The following URB2 variants were observed in gnomAD, a reference collection of about 807,000 sequenced individuals.
The protein encoded by URB2 is URB2 ribosome biogenesis homolog, also known as unhealthy ribosome biogenesis protein 2 homolog.
A neutral mutation model predicts 120.9 loss-of-function variants in URB2; 86 were observed. The ratio of observed to expected loss-of-function variants is 0.71; its 90% confidence interval spans 0.60 to 0.85. The LOEUF (loss-of-function observed/expected upper bound fraction) is 0.85, where lower values mean the gene tolerates loss of function less well. Ranked by LOEUF, URB2 falls within the 40% of genes least tolerant of loss-of-function variation. The pLI, the probability that URB2 is intolerant of heterozygous loss-of-function variation, is 0.00. For synonymous variants in URB2, 755 were observed against 758.4 expected, an observed-to-expected ratio of 1.00 and a Z score of 0.07; for missense variants, 1,765 against 1,836.5, an observed-to-expected ratio of 0.96 and a Z score of 0.71.
At chr1:229,642,861 C>G (rs954045441) in intron 4 of URB2, among the ~76,000 whole-genome samples, 10 of 152,150 alleles carry the variant, frequency 6.6e-5, no homozygotes, top group African/African-American at 2.4e-4. Context: ...TGATACAATT[C>G]TATTAAAAAA....
At position 229,654,323 on chromosome 1, in the gene URB2, C is replaced by T. The variant is rs375051377; in HGVS notation, c.4312C>T (p.Arg1438Ter). Residue 1438 changes from arginine (R) to a stop codon, truncating the protein, a stop_gained, in exon 9 of 10, where the codon CGA (arginine) becomes TGA (stop). Transcript: ENST00000258243. LOFTEE classifies it high-confidence loss of function. Reference sequence around the variant, plus strand: ...AAGAATGTACAGCCACATCGCCGCACGAGCTGAGGAGTTTGCTGTGTTTTC... The same window carrying T: ...AAGAATGTACAGCCACATCGCCGCATGAGCTGAGGAGTTTGCTGTGTTTTC... ...VERMYSHIAA[R>*]AEEFAVFSPF... The T allele has an allele frequency of 7.6e-5, 123 of 1,614,042 alleles. No homozygotes were observed. Among genetic ancestry groups the T allele is most frequent in the Non-Finnish European group, 9.1e-5 (107 of 1,180,046 alleles).
chr1:229,627,238 G>A (rs546606223), intron 1 of URB2, among the ~76,000 whole-genome samples: 3 of 152,306 alleles, frequency 2.0e-5, no homozygotes, highest in South Asian at 4.1e-4. Context: ...TATTGCTTAT[G>A]TATCTTTTCC....
At chr1:229,651,098 C>CT in intron 7 of URB2, 137 bp from the exon 8 acceptor site, 2 of 644,632 alleles carry the variant, frequency 3.1e-6, no homozygotes, top group Non-Finnish European at 4.8e-6. Flanking sequence ...AAGGATGTGG[C>CT]TATCCCTGGG....
chr1:229,656,844 G>A (rs1666417686), intron 9 of URB2, among the ~76,000 whole-genome samples: 1 of 152,168 alleles, frequency 6.6e-6, no homozygotes, highest in African/African-American at 2.4e-5. Context: ...TTTTTTACCT[G>A]TAGAGCAAAT....
chr1:229,641,479 C>T (rs920622856), intron 4 of URB2, among the ~76,000 whole-genome samples: 3 of 152,180 alleles, frequency 2.0e-5, no homozygotes, highest in Admixed American at 1.3e-4. Context: ...GTCCAGGCCT[C>T]TTCCACCTGA....
In URB2 at chr1:229,638,080, G is replaced by A; in HGVS notation, c.3467G>A (p.Gly1156Asp). ...CTCTCCCATGTTGCCCTCTACCAGG[G>A]TGTTTACTCTCAGATACTGTTGGAG... Reference protein sequence around the residue: ...TLLSHVALYQGVYSQILLELP... With the variant: ...TLLSHVALYQDVYSQILLELP... The change falls in exon 4 of 10, where the codon GGT becomes GAT. Residue 1156 changes from glycine (G) to aspartate (D), a missense_variant. Coordinates refer to ENST00000258243, the MANE Select transcript of URB2 (RefSeq NM_014777.4). 6.2e-7 allele frequency: 1 copy of A among 1,614,224 alleles called. No homozygotes were observed. Among genetic ancestry groups the A allele is most frequent in the Non-Finnish European group, 8.5e-7 (1 of 1,180,034 alleles).
intron 9 of URB2, among the ~76,000 whole-genome samples, chr1:229,658,066 A>G (rs1666445920): frequency 1.3e-5 from 2 of 152,212 alleles, no homozygotes; most frequent in Non-Finnish European, 2.9e-5. Context: ...GAATTTTACC[A>G]GCTTAACTGT....
Position 229,659,137 on chromosome 1 carries a change from A to C in URB2, c.4415A>C (p.Glu1472Ala), listed in dbSNP as rs774041958. 4 of 1,612,464 alleles carry C rather than the reference A, an allele frequency of 2.5e-6. No individual in the cohort carries two copies. Among genetic ancestry groups the C allele is most frequent in the Non-Finnish European group, 2.5e-6 (3 of 1,179,922 alleles). Residue 1472 changes from glutamate (E) to alanine (A), a missense_variant, in exon 10 of 10, where the codon GAG becomes GCG. Glu to Ala is a moderately radical substitution (Grantham distance 107). Coordinates refer to ENST00000258243, the MANE Select transcript of URB2 (RefSeq NM_014777.4). ...LYPAVKSLLQ[E>A]GIYLILDLCI... ...CCAGCTGTGAAAAGTCTGCTGCAGG[A>C]GGGCATTTACCTCATCCTGGACCTC...
chr1:229,645,858 G>C lies in URB2; in HGVS notation c.3796-1G>C. On this transcript the variant is annotated splice_acceptor_variant, in intron 5 of 9. Coordinates refer to ENST00000258243, the MANE Select transcript of URB2 (RefSeq NM_014777.4). LOFTEE classifies it high-confidence loss of function. ...GCTAAGTTTTTTCTCTCTTGCCCCA[G>C]GCTGTTGTGTCAGCTGTTACACTGC... 1 of 1,613,942 alleles carries C rather than the reference G, an allele frequency of 6.2e-7. No homozygotes were observed. Among genetic ancestry groups the C allele is most frequent in the Non-Finnish European group, 8.5e-7 (1 of 1,179,920 alleles).
In URB2 at chr1:229,635,619, A is replaced by C. The variant is rs1222460058; in HGVS notation, c.1006A>C (p.Lys336Gln). The change falls in exon 4 of 10, where the codon AAG becomes CAG. Residue 336 changes from lysine (K) to glutamine (Q), a missense_variant. Physicochemically the swap from Lys to Gln is moderately conservative, Grantham distance 53 (BLOSUM62 1). Transcript: ENST00000258243. ...TCTCCCCAGGTTGTTTGGCTGCTTG[A>C]AGATTTCACACCTGCAGGAGGAGCA... ...QVLPRLFGCL[K>Q]ISHLQEEQSK... The C allele has an allele frequency of 6.2e-7, 1 of 1,614,100 alleles. No individual in the cohort carries two copies. Among genetic ancestry groups the C allele is most frequent in the Admixed American group, 1.7e-5 (1 of 60,020 alleles).
intron 9 of URB2, 35 bp downstream of exon 9, chr1:229,654,423 G>A (rs768279418): frequency 5.6e-6 from 9 of 1,613,038 alleles, no homozygotes; most frequent in Non-Finnish European, 7.6e-6. Context: ...ACCAAGTACT[G>A]TGTTTATGGT....
intron 3 of URB2, among the ~76,000 whole-genome samples, chr1:229,633,098 C>T (rs1361930476): frequency 2.0e-5 from 3 of 152,260 alleles, no homozygotes; most frequent in Admixed American, 6.5e-5. Context: ...ATTTGAACCT[C>T]ACTCTGCCTG....
At chr1:229,628,114 T>C (rs1452344258) in intron 2 of URB2, among the ~76,000 whole-genome samples, 1 of 141,180 alleles carries the variant, frequency 7.1e-6, no homozygotes, top group African/African-American at 2.6e-5. Flanking sequence ...TATATGTATA[T>C]ATATGTATAT....
At chr1:229,631,827 G>C (rs1665675316) in intron 2 of URB2, among the ~76,000 whole-genome samples, 1 of 152,126 alleles carries the variant, frequency 6.6e-6, no homozygotes, top group Non-Finnish European at 1.5e-5. Context: ...GGAAATACTG[G>C]GAGAATTACC....
chr1:229,642,163 A>G, intron 4 of URB2, among the ~76,000 whole-genome samples: 1 of 152,200 alleles, frequency 6.6e-6, no homozygotes, highest in East Asian at 1.9e-4. Flanking sequence ...CCATAAAGCG[A>G]ACCAGAGCGA....
At chr1:229,654,615 C>A (rs1279859299) in intron 9 of URB2, among the ~76,000 whole-genome samples, 1 of 152,152 alleles carries the variant, frequency 6.6e-6, no homozygotes, top group Non-Finnish European at 1.5e-5. Flanking sequence ...GCCTCAGCCT[C>A]CCAAGTAGCT....
intron 2 of URB2, among the ~76,000 whole-genome samples, chr1:229,630,971 A>C (rs1235872005): frequency 1.4e-5 from 2 of 144,884 alleles, no homozygotes; most frequent in Admixed American, 1.4e-4. Context: ...GACAAGAGCG[A>C]AACTCCGTCT....
Position 229,659,594 on chromosome 1 carries a change from C to T in URB2, c.*297C>T, listed in dbSNP as rs1666476802. 4 of 244,210 alleles carry T rather than the reference C, an allele frequency of 1.6e-5. No homozygotes were observed. Among genetic ancestry groups the T allele is most frequent in the Admixed American group, 9.7e-5 (2 of 20,590 alleles). 15.1% of individuals were successfully genotyped at this position (244,210 alleles called of 1,614,324 possible). A position where few individuals can be genotyped will look rare whatever the true frequency, so the allele number is the denominator to read the frequency against. ...TCTTGGGACCTTTCTGTGTTTGGTT[C>T]TCGTCTTGGCTCAGTGGTTTGGTGT... On this transcript the variant is annotated 3_prime_UTR_variant, in exon 10 of 10. Coordinates refer to ENST00000258243, the MANE Select transcript of URB2 (RefSeq NM_014777.4).
At chr1:229,657,505 ATTAT>A (rs1378432609) in intron 9 of URB2, among the ~76,000 whole-genome samples, 1 of 152,206 alleles carries the variant, frequency 6.6e-6, no homozygotes. Flanking sequence ...TGGAAGTGGA[ATTAT>A]TTATTTAGTA....
Sources: allele counts gnomAD v4.1 joint callset (sites outside exome capture counted in the v4.1 genomes callset), GRCh38; gene constraint gnomAD v4.1.1; transcripts MANE v1.5; gene names NCBI Gene and HGNC (gene_info 2026-07-23, HGNC 2026-07-21).